The following CFTR variants were observed in gnomAD, a reference collection of about 807,000 sequenced individuals.
CFTR encodes cystic fibrosis transmembrane conductance regulator.
In CFTR, 181 loss-of-function variants were observed where a neutral mutation model predicts 171.6. That is an observed-to-expected ratio of 1.05 (90% CI 0.93 to 1.19). The LOEUF (loss-of-function observed/expected upper bound fraction) is 1.19. Ranked by LOEUF, CFTR falls within the 50% of genes most tolerant of loss-of-function variation. The probability of loss-of-function intolerance (pLI) is 0.00; values close to 1 mark genes in which losing one functional copy is unlikely to be tolerated. For missense variants in CFTR, 1,968 were observed against 1,734.7 expected (o/e 1.13, Z -2.39); for synonymous variants, 583 against 608.0 (o/e 0.96, Z 0.60).
Position 117,667,545 on chromosome 7 carries a change from T to A in CFTR, c.*437T>A. ...TGATTAAGTAATGATAACTGGAAACTTCAGCGGTTTATATAAGCTTGTATT... is the reference window on the plus strand; with the variant it reads ...TGATTAAGTAATGATAACTGGAAACATCAGCGGTTTATATAAGCTTGTATT... On this transcript the variant is annotated 3_prime_UTR_variant, in exon 27 of 27. Coordinates refer to ENST00000003084, the MANE Select transcript of CFTR (RefSeq NM_000492.4). 1 of 287,402 alleles carries A rather than the reference T, an allele frequency of 3.5e-6. No individual in the cohort carries two copies. Among genetic ancestry groups the A allele is most frequent in the Non-Finnish European group, 6.8e-6 (1 of 148,110 alleles). 17.8% of individuals were successfully genotyped at this position (287,402 alleles called of 1,614,324 possible).
At chr7:117,552,323 A>C (rs550765031) in intron 10 of CFTR, among the ~76,000 whole-genome samples, 3 of 152,150 alleles carry the variant, frequency 2.0e-5, no homozygotes, top group African/African-American at 7.2e-5. Flanking sequence ...TTTAACCTGG[A>C]TTATCAGAGC....
intron 22 of CFTR, among the ~76,000 whole-genome samples, chr7:117,639,007 A>G (rs1416263287): frequency 3.3e-5 from 5 of 152,060 alleles, no homozygotes; most frequent in Admixed American, 6.5e-5. Flanking sequence ...CTTGGGGGGG[A>G]AAAAAGCAGT....
At chr7:117,555,635 G>A (rs1321021347) in intron 10 of CFTR, among the ~76,000 whole-genome samples, 1 of 152,146 alleles carries the variant, frequency 6.6e-6, no homozygotes, top group African/African-American at 2.4e-5. Context: ...AGTTGTAACA[G>A]TACAAGAAAA....
At chr7:117,508,322 C>T (rs1434820936) in intron 2 of CFTR, among the ~76,000 whole-genome samples, 1 of 152,104 alleles carries the variant, frequency 6.6e-6, no homozygotes, top group Non-Finnish European at 1.5e-5. Flanking sequence ...TTAATAAATA[C>T]AATCAGCTGG....
intron 1 of CFTR, among the ~76,000 whole-genome samples, chr7:117,499,462 T>TGTGTG (rs1554375131): frequency 3.3e-5 from 5 of 149,276 alleles, no homozygotes; most frequent in Admixed American, 1.4e-4. Context: ...TGTGTGTGTG[T>TGTGTG]TTAAAAAATC....
intron 1 of CFTR, among the ~76,000 whole-genome samples, chr7:117,481,125 C>T (rs1797994748): frequency 6.6e-6 from 1 of 152,164 alleles, no homozygotes; most frequent in South Asian, 2.1e-4. Flanking sequence ...TTAGCTTTCA[C>T]ATCTCTCTTA....
chr7:117,639,242 T>A (rs1034236363), intron 22 of CFTR, among the ~76,000 whole-genome samples: 6 of 152,206 alleles, frequency 3.9e-5, no homozygotes, highest in Admixed American at 3.3e-4. Flanking sequence ...CTTTACAAGT[T>A]TTTATTTTCA....
chr7:117,611,881 T>C, intron 20 of CFTR, 73 bp downstream of exon 20: 1 of 997,362 alleles, frequency 1.0e-6, no homozygotes, highest in Non-Finnish European at 1.5e-6. Flanking sequence ...CTGCATTCTA[T>C]AGGTTATCAA....
intron 21 of CFTR, among the ~76,000 whole-genome samples, chr7:117,626,680 A>C (rs1346052404): frequency 6.6e-6 from 1 of 151,904 alleles, no homozygotes; most frequent in African/African-American, 2.4e-5. Context: ...TCCTTTATTC[A>C]TGTATTGTTC....
At chr7:117,609,493 A>G (rs955425090) in intron 18 of CFTR, among the ~76,000 whole-genome samples, 1 of 152,120 alleles carries the variant, frequency 6.6e-6, no homozygotes, top group Admixed American at 6.6e-5. Flanking sequence ...ATTCAAATGG[A>G]TTATTGTGAA....
Position 117,667,055 on chromosome 7 carries a change from A to G in CFTR, c.4390A>G (p.Ile1464Val). Reference protein sequence around the residue: ...NSSKCKSKPQIAALKEETEEE... With the variant: ...NSSKCKSKPQVAALKEETEEE... Reference sequence around the variant, plus strand: ...AAGCAAGTGCAAGTCTAAGCCCCAGATTGCTGCTCTGAAAGAGGAGACAGA... The same window carrying G: ...AAGCAAGTGCAAGTCTAAGCCCCAGGTTGCTGCTCTGAAAGAGGAGACAGA... Residue 1464 changes from isoleucine (I) to valine (V), a missense_variant, in exon 27 of 27, where the codon ATT (isoleucine) becomes GTT (valine). Coordinates refer to ENST00000003084, the MANE Select transcript of CFTR (RefSeq NM_000492.4). 6.2e-7 allele frequency: 1 copy of G among 1,614,064 alleles called. No homozygotes were observed. The highest frequency in any genetic ancestry group is 1.1e-5 in the South Asian group (1 of 91,084).
rs193922499 is a variant in CFTR at position 117,542,126 on chromosome 7, A to C, written c.1209+18A>C. The C allele has an allele frequency of 3.1e-6, 4 of 1,309,382 alleles. No individual in the cohort carries two copies. Among genetic ancestry groups the C allele is most frequent in the Non-Finnish European group, 4.4e-6 (4 of 902,456 alleles). The allele number at this position is 1,309,382 out of a possible 1,614,324, so 81.1% of individuals were successfully genotyped here. ...GGGAGGAGGTCAGAATTTTTAAAAAATTGTTTGCTCTAAACACCTAACTGT... is the reference window on the plus strand; with the variant it reads ...GGGAGGAGGTCAGAATTTTTAAAAACTTGTTTGCTCTAAACACCTAACTGT... On this transcript the variant is annotated intron_variant, in intron 9 of 26. Coordinates refer to ENST00000003084, the MANE Select transcript of CFTR (RefSeq NM_000492.4).
Position 117,531,115 on chromosome 7 carries a change from G to T in CFTR, c.489+1G>T, listed in dbSNP as rs78756941. The stretch of plus-strand genomic sequence containing the variant: ...TATGTTTAGTTTGATTTATAAGAAG[G>T]TAATACTTCCTTGCACAGGCCCCAT... On this transcript the variant is annotated splice_donor_variant, in intron 4 of 26. Coordinates refer to ENST00000003084, the MANE Select transcript of CFTR (RefSeq NM_000492.4). LOFTEE classifies it high-confidence loss of function. 313 of 1,606,712 alleles carry T rather than the reference G, an allele frequency of 1.9e-4. No homozygotes were observed. Among genetic ancestry groups the T allele is most frequent in the Non-Finnish European group, 2.5e-4 (297 of 1,174,560 alleles).
intron 8 of CFTR, 62 bp from the exon 9 acceptor site, chr7:117,541,954 T>C (rs993271902): frequency 7.9e-6 from 6 of 758,290 alleles, no homozygotes; most frequent in South Asian, 4.4e-5. Flanking sequence ...ATAAAGTAGA[T>C]GTAATAATGC....
intron 21 of CFTR, among the ~76,000 whole-genome samples, chr7:117,626,719 C>A (rs749502476): frequency 1.8e-4 from 27 of 151,118 alleles, no homozygotes; most frequent in Non-Finnish European, 3.5e-4. Flanking sequence ...TATTATATGC[C>A]AAGTTGTTTT....
chr7:117,593,640 G>A (rs213970), intron 14 of CFTR, among the ~76,000 whole-genome samples: 4 of 152,096 alleles, frequency 2.6e-5, no homozygotes, highest in African/African-American at 9.6e-5. Context: ...CTGTCACCTA[G>A]GCTGGAGTGC....
chr7:117,602,301 G>T (rs904879185), intron 15 of CFTR, among the ~76,000 whole-genome samples: 2 of 152,192 alleles, frequency 1.3e-5, no homozygotes, highest in African/African-American at 4.8e-5. Flanking sequence ...CTCCCAAAGT[G>T]TTGGTATTAC....
At chr7:117,629,952 A>T (rs1460633302) in intron 22 of CFTR, among the ~76,000 whole-genome samples, 1 of 152,228 alleles carries the variant, frequency 6.6e-6, no homozygotes, top group Non-Finnish European at 1.5e-5. Context: ...GGAAGCAGGG[A>T]TCTTAAACCC....
rs908635237 is a variant in CFTR, at chr7:117,609,899, C to G, written c.2989-620C>G. ...AAACTTCAAAAATGTTATCAGTGACCTAAACAATTTTTAAAATTTTCATAG... is the reference window on the plus strand; with the variant it reads ...AAACTTCAAAAATGTTATCAGTGACGTAAACAATTTTTAAAATTTTCATAG... On this transcript the variant is annotated intron_variant, in intron 18 of 26. Transcript: ENST00000003084. Among the ~76,000 whole-genome samples the G allele has an allele frequency of 1.5e-4, 23 of 151,888 alleles. 1 individual carries two copies. Among genetic ancestry groups the G allele is most frequent in the African/African-American group, 5.3e-4 (22 of 41,396 alleles).
Sources: allele counts gnomAD v4.1 joint callset (sites outside exome capture counted in the v4.1 genomes callset), GRCh38; gene constraint gnomAD v4.1.1; transcripts MANE v1.5; gene names NCBI Gene and HGNC (gene_info 2026-07-23, HGNC 2026-07-21).